MYSM1: variants seen among roughly 807,000 people sequenced by gnomAD.
MYSM1 encodes deubiquitinase MYSM1.
MYSM1 carries 51 observed loss-of-function variants against 116.0 expected under a neutral mutation model. The observed-to-expected ratio is 0.44, with a 90% CI of 0.35 to 0.56. The LOEUF is 0.56. Among genes scored for constraint, MYSM1 ranks in the 20% least tolerant of loss-of-function variants. The pLI, the probability that MYSM1 is intolerant of heterozygous loss-of-function variation, is 0.00. For missense variants in MYSM1, 900 were observed against 974.9 expected, an observed-to-expected ratio of 0.92 and a Z score of 1.02; for synonymous variants, 313 against 315.2, an observed-to-expected ratio of 0.99 and a Z score of 0.07.
intron 17 of MYSM1, among the ~76,000 whole-genome samples, chr1:58,662,773 G>A (rs74079031): frequency 0.014 from 2,195 of 152,220 alleles, 51 homozygotes; most frequent in African/African-American, 0.051. Flanking sequence ...AAAGGGGACA[G>A]CAAGCCTGAT....
intron 16 of MYSM1, among the ~76,000 whole-genome samples, chr1:58,665,939 C>A (rs1449987097): frequency 6.6e-6 from 1 of 151,976 alleles, no homozygotes; most frequent in Non-Finnish European, 1.5e-5. Context: ...TGCCTGTAAC[C>A]CCAGCTACTC....
intron 8 of MYSM1, among the ~76,000 whole-genome samples, chr1:58,679,793 C>T (rs894057714): frequency 2.0e-5 from 3 of 151,506 alleles, no homozygotes; most frequent in Non-Finnish European, 2.9e-5. Context: ...TTTGGGTGGC[C>T]GAGGTGAGTG....
chr1:58,699,957 C>T lies in MYSM1; in HGVS notation c.68+28G>A, dbSNP rs774498880. 14 of 1,613,040 alleles carry T rather than the reference C, an allele frequency of 8.7e-6. No homozygotes were observed. The East Asian group carries it at 2.7e-4, about 31-fold the overall frequency. On this transcript the variant is annotated intron_variant, in intron 1 of 19. Coordinates refer to ENST00000472487, the MANE Select transcript of MYSM1 (RefSeq NM_001085487.3). Reference sequence around the variant, plus strand: ...CCTTCAATCCACTCCCCTCTCCGCCCCAGAGAGACCCGGTCTCTAAGCCTC... The same window carrying T: ...CCTTCAATCCACTCCCCTCTCCGCCTCAGAGAGACCCGGTCTCTAAGCCTC...
chr1:58,678,311 C>T (rs1264949034), intron 8 of MYSM1, among the ~76,000 whole-genome samples: 1 of 152,022 alleles, frequency 6.6e-6, no homozygotes, highest in Non-Finnish European at 1.5e-5. Flanking sequence ...CAAAATTGTA[C>T]AAATGAAAGC....
At chr1:58,696,407 C>T (rs1328628288) in intron 1 of MYSM1, among the ~76,000 whole-genome samples, 1 of 152,196 alleles carries the variant, frequency 6.6e-6, no homozygotes, top group Admixed American at 6.5e-5. Flanking sequence ...CTTGAAATCA[C>T]CTTTCCTCCC....
At chr1:58,676,355 G>C (rs1281307269) in intron 9 of MYSM1, among the ~76,000 whole-genome samples, 1 of 149,810 alleles carries the variant, frequency 6.7e-6, no homozygotes, top group Non-Finnish European at 1.5e-5. Context: ...GGCGGAAGTT[G>C]CAGTGAGCAG....
At chr1:58,674,619 T>C (rs17372980) in intron 10 of MYSM1, among the ~76,000 whole-genome samples, 33,543 of 152,118 alleles carry the variant, frequency 0.22, 4,065 homozygotes, top group Admixed American at 0.32. Context: ...ATATTATGAC[T>C]CTGCCTTATA....
At chr1:58,680,991 T>G (rs1244630817) in intron 8 of MYSM1, among the ~76,000 whole-genome samples, 1 of 151,942 alleles carries the variant, frequency 6.6e-6, no homozygotes, top group Non-Finnish European at 1.5e-5. Flanking sequence ...CCAGCTAATA[T>G]ATATATATAG....
At chr1:58,680,023 T>C (rs1165360371) in intron 8 of MYSM1, among the ~76,000 whole-genome samples, 11 of 105,388 alleles carry the variant, frequency 1.0e-4, no homozygotes, top group African/African-American at 4.6e-4. Flanking sequence ...TGAGACTCTG[T>C]CTCAAAAAAA....
chr1:58,686,329 T>G (rs1644827301), intron 6 of MYSM1, among the ~76,000 whole-genome samples: 1 of 152,190 alleles, frequency 6.6e-6, no homozygotes, highest in African/African-American at 2.4e-5. Flanking sequence ...TATAATTTAA[T>G]ACGTAAATCC....
At chr1:58,687,056 G>T (rs1295438110) in intron 6 of MYSM1, among the ~76,000 whole-genome samples, 1 of 151,726 alleles carries the variant, frequency 6.6e-6, no homozygotes, top group East Asian at 1.9e-4. Flanking sequence ...CCCAAAAAAG[G>T]GAAGGAAAAA....
At chr1:58,688,614 T>C (rs778243254) in intron 6 of MYSM1, among the ~76,000 whole-genome samples, 2 of 151,942 alleles carry the variant, frequency 1.3e-5, no homozygotes, top group Non-Finnish European at 2.9e-5. Flanking sequence ...ATTTAGACAG[T>C]GTATACAATG....
Position 58,675,566 on chromosome 1 carries a change from T to G in MYSM1, c.1405A>C (p.Asn469His). ...INFGCEQAVY[N>H]RPQTVDKVRI... is the part of the protein sequence containing the mutation. ...ACTTTGTCAACTGTTTGTGGCCTAT[T>G]ATACACAGCCTGTTCTATTGGAATT... Residue 469 changes from asparagine to histidine, a missense_variant, in exon 10 of 20, where the codon AAT becomes CAT. Coordinates refer to ENST00000472487, the MANE Select transcript of MYSM1 (RefSeq NM_001085487.3). 1 of 1,613,322 alleles carries G rather than the reference T, an allele frequency of 6.2e-7. No individual in the cohort carries two copies. The highest frequency in any genetic ancestry group is 8.5e-7 in the Non-Finnish European group (1 of 1,179,550).
At chr1:58,661,856 G>A (rs776121765) in intron 17 of MYSM1, among the ~76,000 whole-genome samples, 1 of 151,946 alleles carries the variant, frequency 6.6e-6, no homozygotes, top group Non-Finnish European at 1.5e-5. Flanking sequence ...TGCCTGAACC[G>A]CAGGTTTAAA....
At position 58,686,323 on chromosome 1, in the gene MYSM1, A is replaced by G. The variant is rs1644827223; in HGVS notation, c.400-1072T>C. ...CTGTTAGGTATCAAGTCTAACTATA[A>G]TTTAATACGTAAATCCTCTCTGCAA... On this transcript the variant is annotated intron_variant, in intron 6 of 19. Coordinates refer to ENST00000472487, the MANE Select transcript of MYSM1 (RefSeq NM_001085487.3). Among the ~76,000 whole-genome samples, 3 of 152,192 alleles carry G rather than the reference A, an allele frequency of 2.0e-5. No homozygotes were observed. The South Asian group carries it at 6.2e-4, about 31-fold the overall frequency.
intron 9 of MYSM1, 69 bp downstream of exon 9, chr1:58,676,857 T>C (rs1218295815): frequency 1.3e-5 from 20 of 1,514,792 alleles, no homozygotes; most frequent in Admixed American, 7.6e-5. Context: ...CTAACCATCA[T>C]AGAAATGAAT....
In MYSM1 at chr1:58,690,264, A is replaced by T. The variant is rs1644885481; in HGVS notation, c.297-15T>A. 9.5e-6 allele frequency: 15 copies of T among 1,574,110 alleles called. No homozygotes were observed. The highest frequency in any genetic ancestry group is 1.2e-5 in the Non-Finnish European group (14 of 1,163,610). The stretch of plus-strand genomic sequence containing the variant: ...TTTTCTGCAGACTGCATCACATGAA[A>T]AAAGAAAATAAGGAAGCGTGTGAGG... On this transcript the variant is annotated splice_polypyrimidine_tract_variant and intron_variant, in intron 4 of 19. Coordinates refer to ENST00000472487, the MANE Select transcript of MYSM1 (RefSeq NM_001085487.3).
rs749437266 is a variant in MYSM1 at position 58,681,786 on chromosome 1, A to T, written c.1258T>A (p.Trp420Arg). Residue 420 changes from tryptophan (W) to arginine (R), a missense_variant and splice_region_variant, in exon 8 of 20, where the codon TGG becomes AGG. Trp to Arg is a moderately radical substitution (Grantham distance 101). Coordinates refer to ENST00000472487, the MANE Select transcript of MYSM1 (RefSeq NM_001085487.3). ...LKIRNYILDQ[W>R]EICKPKYLNK... ...ATCTATAATGTAATTCTTTCTTACC[A>T]TTGATCCAAAATATAATTTCTAATT... 1 of 1,579,058 alleles carries T rather than the reference A, an allele frequency of 6.3e-7. No individual in the cohort carries two copies. Among genetic ancestry groups the T allele is most frequent in the Non-Finnish European group, 8.6e-7 (1 of 1,167,778 alleles).
At chr1:58,691,110 T>C (rs1458375920) in intron 3 of MYSM1, among the ~76,000 whole-genome samples, 2 of 151,848 alleles carry the variant, frequency 1.3e-5, no homozygotes, top group African/African-American at 4.8e-5. Context: ...AAACCCCATC[T>C]CTACTAAAAA....
Sources: allele counts gnomAD v4.1 joint callset (sites outside exome capture counted in the v4.1 genomes callset), GRCh38; gene constraint gnomAD v4.1.1; transcripts MANE v1.5; gene names NCBI Gene and HGNC (gene_info 2026-07-23, HGNC 2026-07-21).